The following TMOD1 variants were observed in gnomAD, a reference collection of about 807,000 sequenced individuals.
TMOD1 encodes the protein tropomodulin-1.
TMOD1 carries 17 observed loss-of-function variants against 40.6 expected under a neutral mutation model. That is an observed-to-expected ratio of 0.42 (90% confidence interval 0.29 to 0.63). The LOEUF (loss-of-function observed/expected upper bound fraction) is 0.63, where lower values mean the gene tolerates loss of function less well. Ranked by LOEUF, TMOD1 falls within the 20% of genes least tolerant of loss-of-function variation. The pLI, the probability that TMOD1 is intolerant of heterozygous loss-of-function variation, is 0.22. For synonymous variants in TMOD1, 181 were observed against 175.0 expected (o/e 1.03, Z -0.27); for missense variants, 391 against 447.6 (o/e 0.87, Z 1.14).
At chr9:97,545,073 A>T (rs1481882535) in intron 2 of TMOD1, among the ~76,000 whole-genome samples, 1 of 151,766 alleles carries the variant, frequency 6.6e-6, no homozygotes, top group East Asian at 1.9e-4. Flanking sequence ...TTGAGGGTGC[A>T]TATCTTTTGG....
intron 7 of TMOD1, among the ~76,000 whole-genome samples, chr9:97,566,221 G>A (rs1307065357): frequency 2.0e-5 from 3 of 152,120 alleles, no homozygotes; most frequent in East Asian, 1.9e-4. Context: ...TCTAGGGTTC[G>A]GAGAGGTCAG....
intron 8 of TMOD1, among the ~76,000 whole-genome samples, chr9:97,589,816 G>A (rs1242358496): frequency 6.6e-6 from 1 of 151,930 alleles, no homozygotes; most frequent in African/African-American, 2.4e-5. Context: ...TAACTATTAA[G>A]TATGATGTTA....
intron 9 of TMOD1, among the ~76,000 whole-genome samples, chr9:97,597,889 A>T (rs1242413490): frequency 6.6e-6 from 1 of 151,886 alleles, no homozygotes; most frequent in Non-Finnish European, 1.5e-5. Context: ...GCCAGCTCTC[A>T]GGGACTGGGG....
rs563096559 is a variant in TMOD1 at position 97,576,076 on chromosome 9, C to T, written c.870+7039C>T. 4.6e-5 allele frequency among the ~76,000 whole-genome samples: 7 copies of T among 152,322 alleles called. No homozygotes were observed. In the South Asian group the frequency reaches 1.5e-3, roughly 32 times the overall value. The stretch of plus-strand genomic sequence containing the variant: ...TAAATATCCATCTACACCAGGGCGT[C>T]CCGTGAAGCCAATAGAAGGAATAAG... On this transcript the variant is annotated intron_variant, in intron 8 of 9. Transcript: ENST00000259365.
chr9:97,560,626 CA>C (rs1830623482), intron 4 of TMOD1, among the ~76,000 whole-genome samples: 1 of 150,134 alleles, frequency 6.7e-6, no homozygotes, highest in Non-Finnish European at 1.5e-5. Context: ...ACTAAAAATA[CA>C]AAAATTAGCC....
chr9:97,583,484 T>C (rs1825802372), intron 8 of TMOD1, among the ~76,000 whole-genome samples: 1 of 151,478 alleles, frequency 6.6e-6, no homozygotes. Context: ...TGTCTCTGCC[T>C]GGCTTTGGTA....
intron 3 of TMOD1, among the ~76,000 whole-genome samples, chr9:97,552,626 T>C (rs1830471747): frequency 6.6e-6 from 1 of 152,262 alleles, no homozygotes; most frequent in African/African-American, 2.4e-5. Context: ...TGCTACTTTG[T>C]AAGCTTGCCT....
intron 8 of TMOD1, among the ~76,000 whole-genome samples, chr9:97,579,184 G>C (rs1439672881): frequency 6.6e-6 from 1 of 152,188 alleles, no homozygotes; most frequent in African/African-American, 2.4e-5. Context: ...AATACCTGGG[G>C]GGAGTTCTCA....
chr9:97,542,196 T>C (rs773574677), intron 2 of TMOD1, among the ~76,000 whole-genome samples: 4 of 152,218 alleles, frequency 2.6e-5, no homozygotes, highest in Non-Finnish European at 4.4e-5. Context: ...GTTAAAGTGG[T>C]AAACAATCAG....
chr9:97,558,505 G>A (rs566450844), intron 4 of TMOD1, among the ~76,000 whole-genome samples: 4 of 152,020 alleles, frequency 2.6e-5, no homozygotes, highest in African/African-American at 7.2e-5. Context: ...GTGCAGTGGC[G>A]TGATCTCGGC....
At chr9:97,596,184 C>T (rs145304979) in intron 9 of TMOD1, among the ~76,000 whole-genome samples, 1,729 of 152,296 alleles carry the variant, frequency 0.011, 10 homozygotes, top group Middle Eastern at 0.024. Flanking sequence ...CCAGTCACCT[C>T]CTTGCCAATC....
At chr9:97,594,164 A>G (rs1826057244) in intron 9 of TMOD1, among the ~76,000 whole-genome samples, 1 of 152,144 alleles carries the variant, frequency 6.6e-6, no homozygotes, top group Non-Finnish European at 1.5e-5. Flanking sequence ...ACCCCAGGGA[A>G]CTGTGGGCAG....
chr9:97,511,747 G>C lies in TMOD1; in HGVS notation c.-49+9944G>C, dbSNP rs144406768. On this transcript the variant is annotated intron_variant, in intron 1 of 9. Transcript: ENST00000259365. Reference sequence around the variant, plus strand: ...CTACAGGAGTGCGCCATCACACCTAGCTAATTTTTAAATTGTTTGTAGAGA... The same window carrying C: ...CTACAGGAGTGCGCCATCACACCTACCTAATTTTTAAATTGTTTGTAGAGA... 7.2e-5 allele frequency among the ~76,000 whole-genome samples: 11 copies of C among 152,200 alleles called. No individual in the cohort carries two copies. In the East Asian group the frequency reaches 2.1e-3, roughly 29 times the overall value.
rs1268845463 is a variant in TMOD1, at chr9:97,601,234, T to A, written c.*1536T>A. 1.6e-6 allele frequency: 2 copies of A among 1,263,816 alleles called. No individual in the cohort carries two copies. Among genetic ancestry groups the A allele is most frequent in the Admixed American group, 2.5e-5 (1 of 40,366 alleles). The allele number at this position is 1,263,816 out of a possible 1,614,324, so 78.3% of individuals were successfully genotyped here. A position where few individuals can be genotyped will look rare whatever the true frequency, so the allele number is the denominator to read the frequency against. ...CATCGCTGAAAACTGCAATATAATA[T>A]TAAATCTGTTGGTCTATGCATGGCT... On this transcript the variant is annotated 3_prime_UTR_variant, in exon 10 of 10. Coordinates refer to ENST00000259365, the MANE Select transcript of TMOD1 (RefSeq NM_003275.4).
chr9:97,597,304 C>T (rs1826130053), intron 9 of TMOD1, among the ~76,000 whole-genome samples: 1 of 152,316 alleles, frequency 6.6e-6, no homozygotes, highest in Middle Eastern at 3.4e-3. Context: ...TAAGTTACTT[C>T]CCTCTCCTGG....
At chr9:97,574,091 T>C (rs769101835) in intron 8 of TMOD1, among the ~76,000 whole-genome samples, 2 of 152,160 alleles carry the variant, frequency 1.3e-5, no homozygotes. Flanking sequence ...TCTCGGCGCC[T>C]CCTCAGCCTT....
chr9:97,596,933 A>T (rs1826124241), intron 9 of TMOD1, among the ~76,000 whole-genome samples: 2 of 152,258 alleles, frequency 1.3e-5, no homozygotes, highest in African/African-American at 2.4e-5. Flanking sequence ...CTCAAACAGT[A>T]GTTCTCAAAC....
chr9:97,555,630 G>A, intron 4 of TMOD1: 1 of 1,551,014 alleles, frequency 6.4e-7, no homozygotes, highest in Non-Finnish European at 8.7e-7. Context: ...GTCATTTGAT[G>A]TTGGACATTT....
chr9:97,597,417 G>T (rs1291314977), intron 9 of TMOD1, among the ~76,000 whole-genome samples: 1 of 152,148 alleles, frequency 6.6e-6, no homozygotes, highest in Non-Finnish European at 1.5e-5. Flanking sequence ...AGTGCCAGGG[G>T]GCCGGGTGGG....
Sources: allele counts gnomAD v4.1 joint callset (sites outside exome capture counted in the v4.1 genomes callset), GRCh38; gene constraint gnomAD v4.1.1; transcripts MANE v1.5; gene names NCBI Gene and HGNC (gene_info 2026-07-23, HGNC 2026-07-21).